The following ITPRID1 variants were observed in gnomAD, a reference collection of about 807,000 sequenced individuals.
ITPRID1 encodes the protein protein ITPRID1.
ITPRID1 carries 96 observed loss-of-function variants against 95.4 expected under a neutral mutation model. The ratio of observed to expected loss-of-function variants is 1.01; its 90% confidence interval spans 0.85 to 1.19. The LOEUF is 1.19. Ranked by LOEUF, ITPRID1 falls within the 50% of genes most tolerant of loss-of-function variation. The pLI is 0.00. For synonymous variants in ITPRID1, 510 were observed against 453.6 expected (o/e 1.12, Z -1.58); for missense variants, 1,339 against 1,252.9 (o/e 1.07, Z -1.04).
At chr7:31,619,621 GA>G (rs1402499738) in intron 10 of ITPRID1, among the ~76,000 whole-genome samples, 2 of 152,066 alleles carry the variant, frequency 1.3e-5, no homozygotes, top group Non-Finnish European at 2.9e-5. Context: ...AAAGAAGGGG[GA>G]GGAGCCAAGA....
intron 10 of ITPRID1, among the ~76,000 whole-genome samples, chr7:31,623,767 C>A (rs1788162563): frequency 6.6e-6 from 1 of 150,684 alleles, no homozygotes; most frequent in Non-Finnish European, 1.5e-5. Context: ...GAAGTTCTGG[C>A]CAGGGCAATT....
chr7:31,634,477 A>G (rs2128198802), intron 10 of ITPRID1, among the ~76,000 whole-genome samples: 1 of 152,286 alleles, frequency 6.6e-6, no homozygotes, highest in East Asian at 1.9e-4. Flanking sequence ...TTTCCCTATG[A>G]GGGGACAGAC....
At chr7:31,600,535 C>T (rs1347540663) in intron 10 of ITPRID1, among the ~76,000 whole-genome samples, 1 of 152,150 alleles carries the variant, frequency 6.6e-6, no homozygotes, top group Non-Finnish European at 1.5e-5. Flanking sequence ...AATGTATGCT[C>T]CTACAGAAAA....
chr7:31,652,232 C>A (rs899786874), intron 14 of ITPRID1, among the ~76,000 whole-genome samples, 182 bp downstream of exon 14: 2 of 152,194 alleles, frequency 1.3e-5, no homozygotes, highest in Non-Finnish European at 2.9e-5. Context: ...GATGGTGATT[C>A]TGTATCAGAA....
At chr7:31,628,988 A>G (rs1788750086) in intron 10 of ITPRID1, among the ~76,000 whole-genome samples, 1 of 152,214 alleles carries the variant, frequency 6.6e-6, no homozygotes, top group Non-Finnish European at 1.5e-5. Context: ...GAACTGTGGT[A>G]CTTGAATCAG....
intron 10 of ITPRID1, among the ~76,000 whole-genome samples, chr7:31,630,000 A>G (rs1164379937): frequency 6.6e-6 from 1 of 152,176 alleles, no homozygotes; most frequent in Non-Finnish European, 1.5e-5. Context: ...ACACACACAC[A>G]CAAAATTGCT....
chr7:31,584,623 G>A (rs974057551), intron 10 of ITPRID1, among the ~76,000 whole-genome samples: 4 of 152,172 alleles, frequency 2.6e-5, no homozygotes, highest in African/African-American at 9.7e-5. Context: ...GTGAAGGAGA[G>A]CCTAATGGAT....
At position 31,577,858 on chromosome 7, in the gene ITPRID1, T is replaced by G; in HGVS notation, c.599-5T>G. On this transcript the variant is annotated splice_region_variant and splice_polypyrimidine_tract_variant and intron_variant, in intron 8 of 14. Coordinates refer to ENST00000615280, the MANE Select transcript of ITPRID1 (RefSeq NM_001257967.3). ...TGAAACTTTCGTGTTTCTTGTGTTG[T>G]GCAGGTCGTTTCCGACAGCTGGAAA... is the stretch of plus-strand genomic sequence containing the variant. The G allele has an allele frequency of 6.3e-7, 1 of 1,580,454 alleles. No homozygotes were observed. The highest frequency in any genetic ancestry group is 8.6e-7 in the Non-Finnish European group (1 of 1,163,926).
At position 31,626,428 on chromosome 7, in the gene ITPRID1, C is replaced by G. The variant is rs181093046; in HGVS notation, c.1229-15748C>G. ...AACTTTTAAAATTATCATAATTAAT[C>G]TGGTACTATTTAGATAGAAGTAAGT... On this transcript the variant is annotated intron_variant, in intron 10 of 14. Coordinates refer to ENST00000615280, the MANE Select transcript of ITPRID1 (RefSeq NM_001257967.3). 3.2e-3 allele frequency among the ~76,000 whole-genome samples: 490 copies of G among 152,248 alleles called. 2 individuals carry two copies. The highest frequency in any genetic ancestry group is 0.01 in the African/African-American group (420 of 41,534).
At chr7:31,525,389 T>C (rs78919819) in intron 1 of ITPRID1, among the ~76,000 whole-genome samples, 1,631 of 152,292 alleles carry the variant, frequency 0.011, 32 homozygotes, top group African/African-American at 0.037. Context: ...CACCAGATAC[T>C]AGTAGCATTC....
intron 1 of ITPRID1, chr7:31,518,061 C>T (rs73305474): frequency 6.6e-6 from 1 of 152,440 alleles, no homozygotes; most frequent in African/African-American, 2.4e-5. Context: ...TGGGTGGGGC[C>T]AATGTCATAA....
chr7:31,520,643 T>A (rs1045793281), intron 1 of ITPRID1, among the ~76,000 whole-genome samples: 1 of 151,574 alleles, frequency 6.6e-6, no homozygotes, highest in Non-Finnish European at 1.5e-5. Context: ...TTGTATTTCC[T>A]GCCCTAGACC....
intron 1 of ITPRID1, among the ~76,000 whole-genome samples, chr7:31,541,799 A>G (rs1783940767): frequency 6.6e-6 from 1 of 152,162 alleles, no homozygotes; most frequent in Non-Finnish European, 1.5e-5. Flanking sequence ...GTTTGACCAT[A>G]TGGTAAGATT....
intron 6 of ITPRID1, among the ~76,000 whole-genome samples, chr7:31,571,486 G>C (rs1055555822): frequency 6.6e-6 from 1 of 152,218 alleles, no homozygotes; most frequent in African/African-American, 2.4e-5. Context: ...CCATGGTATA[G>C]CTGAGCTATA....
At chr7:31,534,572 T>G (rs977792207) in intron 1 of ITPRID1, among the ~76,000 whole-genome samples, 2 of 152,216 alleles carry the variant, frequency 1.3e-5, no homozygotes, top group Non-Finnish European at 2.9e-5. Context: ...ATTGTAGCTA[T>G]ATCAGCTTTC....
At chr7:31,624,614 G>A (rs1404990631) in intron 10 of ITPRID1, among the ~76,000 whole-genome samples, 10 of 146,934 alleles carry the variant, frequency 6.8e-5, no homozygotes, top group East Asian at 2.0e-4. Flanking sequence ...CTTATACAAA[G>A]ATCAATTCAA....
intron 10 of ITPRID1, among the ~76,000 whole-genome samples, chr7:31,586,703 T>A (rs1229944833): frequency 6.6e-6 from 1 of 152,182 alleles, no homozygotes; most frequent in Non-Finnish European, 1.5e-5. Flanking sequence ...TTTTTTCTTG[T>A]AAATTTGTTT....
chr7:31,619,803 GC>G (rs1335921465), intron 10 of ITPRID1, among the ~76,000 whole-genome samples: 2 of 152,188 alleles, frequency 1.3e-5, no homozygotes, highest in African/African-American at 4.8e-5. Context: ...GCAGCGCGAG[GC>G]ATTGCCTCCC....
chr7:31,615,673 ACCAAGATC>A (rs1787133348), intron 10 of ITPRID1, among the ~76,000 whole-genome samples: 3 of 138,424 alleles, frequency 2.2e-5, no homozygotes, highest in Non-Finnish European at 4.7e-5. Flanking sequence ...CTTAGACATG[ACCAAGATC>A]ATTACTAATA....
Sources: gnomAD v4.1 joint callset for allele counts (sites outside exome capture counted in the v4.1 genomes callset) on GRCh38, gnomAD v4.1.1 for gene constraint, MANE v1.5 for transcripts, NCBI Gene and HGNC (gene_info 2026-07-23, HGNC 2026-07-21) for gene names.